OTUD4: variants seen among roughly 807,000 people sequenced by gnomAD.
OTUD4 encodes the protein OTU domain-containing protein 4.
Under a neutral mutation model 130.4 loss-of-function variants are expected in OTUD4, and 24 were observed. The observed-to-expected ratio is 0.18, with a 90% CI of 0.13 to 0.26. OTUD4 has a LOEUF of 0.26. Among genes scored for constraint, OTUD4 ranks in the 10% least tolerant of loss-of-function variants. The pLI is 1.00. For synonymous variants in OTUD4, 420 were observed against 472.5 expected, an observed-to-expected ratio of 0.89 and a Z score of 1.44; for missense variants, 1,031 against 1,329.4, an observed-to-expected ratio of 0.78 and a Z score of 3.49.
At chr4:145,166,298 CAA>C (rs990315051) in intron 3 of OTUD4, among the ~76,000 whole-genome samples, 11 of 151,964 alleles carry the variant, frequency 7.2e-5, no homozygotes, top group Non-Finnish European at 1.5e-4. Context: ...GTTTTGAAAA[CAA>C]GAGAAATTCT....
At chr4:145,177,144 G>A (rs1752466439) in intron 1 of OTUD4, among the ~76,000 whole-genome samples, 1 of 152,172 alleles carries the variant, frequency 6.6e-6, no homozygotes. Flanking sequence ...CATGAATCAA[G>A]GTATTACTCG....
chr4:145,140,890 G>A (rs1298476930), intron 19 of OTUD4, among the ~76,000 whole-genome samples: 1 of 151,898 alleles, frequency 6.6e-6, no homozygotes, highest in African/African-American at 2.4e-5. Flanking sequence ...TCTGGGCCAG[G>A]CGCGGTGGCT....
intron 13 of OTUD4, among the ~76,000 whole-genome samples, chr4:145,148,610 T>C (rs1001278531): frequency 6.6e-6 from 1 of 152,222 alleles, no homozygotes; most frequent in Non-Finnish European, 1.5e-5. Context: ...CACTGGATTA[T>C]AAATTCAGTT....
chr4:145,174,805 T>A, intron 1 of OTUD4, 61 bp from the exon 2 acceptor site: 2 of 880,830 alleles, frequency 2.3e-6, no homozygotes, highest in South Asian at 2.8e-5. Context: ...CAACCTAATG[T>A]CTTCTTTTAC....
intron 7 of OTUD4, 38 bp from the exon 8 acceptor site, chr4:145,156,034 G>T: frequency 6.6e-7 from 1 of 1,515,446 alleles, no homozygotes; most frequent in Non-Finnish European, 9.1e-7. Context: ...GCAGAAAAAG[G>T]TATTTGCACG....
In OTUD4 at chr4:145,155,602, C is replaced by A. The variant is rs1201005099; in HGVS notation, c.775G>T (p.Val259Leu). The change falls in exon 9 of 21, where the codon GTG (valine) becomes TTG (leucine). Residue 259 changes from valine to leucine, a missense_variant. Physicochemically the swap from Val to Leu is conservative, Grantham distance 32. Coordinates refer to ENST00000447906, the MANE Select transcript of OTUD4 (RefSeq NM_001366057.1). Reference protein sequence around the residue: ...KSLNPAVYRNVEYEIWLKSKQ... With the variant: ...KSLNPAVYRNLEYEIWLKSKQ... ...GACTTCAGCCAAATTTCATATTCCACATTTCTATAGACTGCAGGATTGAGT... is the reference window on the plus strand; with the variant it reads ...GACTTCAGCCAAATTTCATATTCCAAATTTCTATAGACTGCAGGATTGAGT... The A allele has an allele frequency of 1.9e-6, 3 of 1,612,092 alleles. No individual in the cohort carries two copies. The highest frequency in any genetic ancestry group is 3.3e-5 in the Admixed American group (2 of 59,814).
chr4:145,179,748 T>TGC, intron 1 of OTUD4, 67 bp downstream of exon 1: 3 of 1,398,076 alleles, frequency 2.1e-6, no homozygotes, highest in Non-Finnish European at 2.8e-6. Flanking sequence ...CGCAGCTGCC[T>TGC]CCCCACCCAG....
chr4:145,133,750 A>G lies in OTUD4; in HGVS notation c.*3680T>C, dbSNP rs1321056208. The stretch of plus-strand genomic sequence containing the variant: ...TATTTTATACATTCAGATATGTTTG[A>G]AACACTTCTTAAGGCTACAAAACAG... On this transcript the variant is annotated 3_prime_UTR_variant, in exon 21 of 21. Transcript: ENST00000447906. 3.9e-5 allele frequency: 6 copies of G among 152,646 alleles called. No individual in the cohort carries two copies. The highest frequency in any genetic ancestry group is 8.8e-5 in the Non-Finnish European group (6 of 68,028). The allele number at this position is 152,646 out of a possible 1,614,324, so 9.5% of individuals were successfully genotyped here.
intron 1 of OTUD4, 136 bp from the exon 2 acceptor site, chr4:145,174,880 A>AT: frequency 1.6e-6 from 1 of 609,180 alleles, no homozygotes; most frequent in Non-Finnish European, 3.0e-6. Context: ...TATAATTTCG[A>AT]TATCTTTACT....
chr4:145,154,114 G>A (rs933652423), intron 10 of OTUD4, among the ~76,000 whole-genome samples: 3 of 152,194 alleles, frequency 2.0e-5, no homozygotes, highest in African/African-American at 7.2e-5. Context: ...TAAGTAACAC[G>A]ACTTTAGTGA....
chr4:145,171,026 C>T (rs1752137245), intron 3 of OTUD4: 1 of 152,236 alleles, frequency 6.6e-6, no homozygotes. Flanking sequence ...TCTGCCTTCT[C>T]AGTTGCCTAG....
rs778801227 is a variant in OTUD4, at chr4:145,146,349, C to T, written c.1340G>A (p.Arg447His). The T allele has an allele frequency of 6.9e-6, 11 of 1,597,138 alleles. No individual in the cohort carries two copies. Among genetic ancestry groups the T allele is most frequent in the South Asian group, 3.4e-5 (3 of 87,744 alleles). ...SNYFGLSPEE[R>H]REKQAIEESR... ...TTCTTCTATAGCTTGCTTCTCTCTGCGCTCTTCTGGGGAAAGGCCGAAATA... is the reference window on the plus strand; with the variant it reads ...TTCTTCTATAGCTTGCTTCTCTCTGTGCTCTTCTGGGGAAAGGCCGAAATA... Residue 447 changes from arginine (R) to histidine (H), a missense_variant, in exon 14 of 21, where the codon CGC becomes CAC. Physicochemically the swap from Arg to His is conservative, Grantham distance 29 (BLOSUM62 0). Coordinates refer to ENST00000447906, the MANE Select transcript of OTUD4 (RefSeq NM_001366057.1).
intron 1 of OTUD4, chr4:145,178,655 G>A (rs1752541024): frequency 6.6e-6 from 1 of 152,158 alleles, no homozygotes; most frequent in Admixed American, 6.5e-5. Context: ...TAAAGCAACG[G>A]TTTGTGTCCG....
At chr4:145,151,086 T>A (rs36226296) in intron 11 of OTUD4, among the ~76,000 whole-genome samples, 181 bp from the exon 12 acceptor site, 9 of 150,598 alleles carry the variant, frequency 6.0e-5, no homozygotes, top group Non-Finnish European at 7.4e-5. Flanking sequence ...TAAAAAAAAA[T>A]GATATAAATC....
At chr4:145,155,891 C>T in intron 8 of OTUD4, 45 bp downstream of exon 8, 2 of 1,438,626 alleles carry the variant, frequency 1.4e-6, no homozygotes, top group Non-Finnish European at 9.6e-7. Flanking sequence ...TACATGCTTT[C>T]TTATATTAAA....
chr4:145,179,770 C>G, intron 1 of OTUD4, 45 bp downstream of exon 1: 1 of 1,426,522 alleles, frequency 7.0e-7, no homozygotes, highest in Non-Finnish European at 9.3e-7. Context: ...CCCGCCGGGC[C>G]GTCCCCGCCT....
intron 14 of OTUD4, among the ~76,000 whole-genome samples, chr4:145,145,243 A>C (rs1422798037): frequency 2.0e-5 from 3 of 152,238 alleles, no homozygotes; most frequent in Non-Finnish European, 4.4e-5. Context: ...GTTGTTATTT[A>C]TATAATAACA....
At chr4:145,173,892 T>C (rs924874831) in intron 2 of OTUD4, among the ~76,000 whole-genome samples, 1 of 152,228 alleles carries the variant, frequency 6.6e-6, no homozygotes, top group Non-Finnish European at 1.5e-5. Context: ...TATAATGTTC[T>C]GACATGTGAG....
At chr4:145,171,795 A>C (rs369239820) in intron 2 of OTUD4, 75 bp from the exon 3 acceptor site, 3 of 756,556 alleles carry the variant, frequency 4.0e-6, no homozygotes, top group Non-Finnish European at 7.2e-6. Context: ...CTGTGTAAAC[A>C]TTCACTGTGA....
Sources: allele counts gnomAD v4.1 joint callset (sites outside exome capture counted in the v4.1 genomes callset), GRCh38; gene constraint gnomAD v4.1.1; transcripts MANE v1.5; gene names NCBI Gene and HGNC (gene_info 2026-07-23, HGNC 2026-07-21).